The following CD300LF variants were observed in gnomAD, a reference collection of about 807,000 sequenced individuals.
The protein encoded by CD300LF is CMRF35-like molecule 1.
A neutral mutation model predicts 32.2 loss-of-function variants in CD300LF; 27 were observed. The observed-to-expected ratio is 0.84, with a 90% CI of 0.62 to 1.15. CD300LF has a LOEUF of 1.15. CD300LF is among the 50% of genes most tolerant of loss of function. The pLI is 0.00. For synonymous variants in CD300LF, 139 were observed against 143.2 expected, an observed-to-expected ratio of 0.97 and a Z score of 0.21; for missense variants, 348 against 356.8, an observed-to-expected ratio of 0.98 and a Z score of 0.20.
At chr17:74,699,006 C>T (rs563627614) in intron 3 of CD300LF, among the ~76,000 whole-genome samples, 1 of 152,226 alleles carries the variant, frequency 6.6e-6, no homozygotes, top group East Asian at 1.9e-4. Flanking sequence ...GCAACCTCCA[C>T]CTCCCAGGTT....
chr17:74,696,731 G>A (rs890306423), intron 4 of CD300LF, among the ~76,000 whole-genome samples: 1 of 152,188 alleles, frequency 6.6e-6, no homozygotes, highest in Non-Finnish European at 1.5e-5. Flanking sequence ...CAGGTGGGCT[G>A]TAAGCTGCAG....
chr17:74,706,493 C>A (rs1017255192), intron 1 of CD300LF, among the ~76,000 whole-genome samples: 9 of 151,784 alleles, frequency 5.9e-5, no homozygotes, highest in Non-Finnish European at 1.5e-5. Context: ...CATGGAGAAA[C>A]GCCATCTCTA....
intron 6 of CD300LF, 88 bp downstream of exon 6, chr17:74,695,637 C>A: frequency 6.3e-7 from 1 of 1,579,042 alleles, no homozygotes; most frequent in South Asian, 1.1e-5. Flanking sequence ...CCCACATGAG[C>A]AGGAGAAAGC....
At position 74,695,233 on chromosome 17, in the gene CD300LF, C is replaced by T. The variant is rs2032317731; in HGVS notation, c.736G>A (p.Asp246Asn). The change falls in exon 7 of 7, where the codon GAC becomes AAC. Residue 246 changes from aspartate (D) to asparagine (N), a missense_variant. Transcript: ENST00000326165. ...YVTMASLPKE[D>N]ISYASLTLGA... is the part of the protein sequence containing the mutation. ...AAGGTCAGAGATGCATAGGAAATGT[C>T]CTCCTTCGGCAAGGAAGCCTGCAGC... 6.2e-7 allele frequency: 1 copy of T among 1,614,056 alleles called. No homozygotes were observed. Among genetic ancestry groups the T allele is most frequent in the Non-Finnish European group, 8.5e-7 (1 of 1,179,982 alleles).
At chr17:74,701,914 CAG>C (rs1170090970) in intron 3 of CD300LF, among the ~76,000 whole-genome samples, 1 of 150,560 alleles carries the variant, frequency 6.6e-6, no homozygotes, top group African/African-American at 2.4e-5. Flanking sequence ...CCCAGCTACT[CAG>C]GAGACTGAGG....
In CD300LF at chr17:74,704,790, C is replaced by G; in HGVS notation, c.70G>C (p.Gly24Arg). Residue 24 changes from glycine (G) to arginine (R), a missense_variant, in exon 2 of 7, where the codon GGT (glycine) becomes CGT (arginine). Transcript: ENST00000326165. ...TCCAAGCCATTCACTGTTGTTGGAC[C>G]GGTGATTTGAGTGACAATGGAGTAG... ...SGYSIVTQIT[G>R]PTTVNGLERG... 1 of 1,613,394 alleles carries G rather than the reference C, an allele frequency of 6.2e-7. No individual in the cohort carries two copies. The highest frequency in any genetic ancestry group is 8.5e-7 in the Non-Finnish European group (1 of 1,179,476).
chr17:74,704,429 G>T, intron 2 of CD300LF, 49 bp downstream of exon 2: 1 of 1,328,540 alleles, frequency 7.5e-7, no homozygotes, highest in Non-Finnish European at 1.1e-6. Flanking sequence ...TCAGAGACCA[G>T]GACAGAGCAG....
intron 2 of CD300LF, among the ~76,000 whole-genome samples, chr17:74,703,837 A>T (rs897152062): frequency 6.6e-6 from 1 of 152,226 alleles, no homozygotes; most frequent in African/African-American, 2.4e-5. Flanking sequence ...AAACCGAGGC[A>T]CTGGGACCCC....
At chr17:74,697,352 A>G (rs866082427) in intron 4 of CD300LF, among the ~76,000 whole-genome samples, 2 of 152,144 alleles carry the variant, frequency 1.3e-5, no homozygotes, top group African/African-American at 2.4e-5. Flanking sequence ...CCTAGGGACA[A>G]CAAAGAAATG....
At chr17:74,698,686 G>A (rs1001092834) in intron 3 of CD300LF, 1 of 1,299,844 alleles carries the variant, frequency 7.7e-7, no homozygotes, top group Non-Finnish European at 1.0e-6. Flanking sequence ...AATGGAACAA[G>A]AGACACCAGG....
In CD300LF at chr17:74,695,058, T is replaced by C. The variant is rs1191711305; in HGVS notation, c.*38A>G. 6 of 1,595,418 alleles carry C rather than the reference T, an allele frequency of 3.8e-6. No homozygotes were observed. In the African/African-American group the frequency reaches 4.0e-5, roughly 11 times the overall value. On this transcript the variant is annotated 3_prime_UTR_variant, in exon 7 of 7. Coordinates refer to ENST00000326165, the MANE Select transcript of CD300LF (RefSeq NM_139018.5). The stretch of plus-strand genomic sequence containing the variant: ...GACGGTCGATGAGGCAGGAGTGTGC[T>C]CACAGCCTGGGGTCCAAGAAGGAGC...
In CD300LF at chr17:74,711,067, C is replaced by G. The variant is rs2033925442; in HGVS notation, c.43+1757G>C. On this transcript the variant is annotated intron_variant, in intron 1 of 6. Transcript: ENST00000326165. ...AAAAATAAAAAACCTTCCTTTCTCACAGAAAACAAACTTCCGGATGGGTAT... is the reference window on the plus strand; with the variant it reads ...AAAAATAAAAAACCTTCCTTTCTCAGAGAAAACAAACTTCCGGATGGGTAT... 2.0e-5 allele frequency among the ~76,000 whole-genome samples: 3 copies of G among 152,104 alleles called. 1 individual carries two copies. The South Asian group carries it at 6.2e-4, about 32-fold the overall frequency.
intron 1 of CD300LF, among the ~76,000 whole-genome samples, chr17:74,709,133 A>G (rs1182927523): frequency 1.3e-5 from 2 of 151,262 alleles, no homozygotes; most frequent in Non-Finnish European, 2.9e-5. Context: ...CTGAGGCAGG[A>G]GAATCGCTTA....
intron 4 of CD300LF, among the ~76,000 whole-genome samples, chr17:74,696,943 G>T (rs181002657): frequency 6.6e-6 from 1 of 151,372 alleles, no homozygotes; most frequent in Non-Finnish European, 1.5e-5. Flanking sequence ...GGTTTGGTTT[G>T]GTTTGGTTTG....
chr17:74,698,554 G>A, intron 3 of CD300LF, 73 bp from the exon 4 acceptor site: 1 of 1,506,178 alleles, frequency 6.6e-7, no homozygotes, highest in Admixed American at 2.0e-5. Flanking sequence ...CACCCACCCA[G>A]CAGCAGGGGA....
chr17:74,711,660 C>A (rs1287327736), intron 1 of CD300LF, among the ~76,000 whole-genome samples: 1 of 152,158 alleles, frequency 6.6e-6, no homozygotes, highest in African/African-American at 2.4e-5. Context: ...CTCGTATCTA[C>A]TGTTCCCTGT....
chr17:74,706,280 A>ATAT lies in CD300LF; in HGVS notation c.44-1465_44-1464insATA, dbSNP rs200263662. Among the ~76,000 whole-genome samples, 246 of 148,782 alleles carry ATAT rather than the reference A, an allele frequency of 1.7e-3. 1 individual carries two copies. The highest frequency in any genetic ancestry group is 3.6e-3 in the Admixed American group (53 of 14,878). ...ATAAAAAACATTTTAAAGGAAAAAA[A>ATAT]AAATATATATATATATATATCCCAA... is the stretch of plus-strand genomic sequence containing the variant. On this transcript the variant is annotated intron_variant, in intron 1 of 6. Transcript: ENST00000326165.
chr17:74,704,940 A>C (rs1598258288), intron 1 of CD300LF, 124 bp from the exon 2 acceptor site: 1 of 767,742 alleles, frequency 1.3e-6, no homozygotes. Context: ...GAAGAAATAC[A>C]CCTTCCGCAG....
intron 1 of CD300LF, among the ~76,000 whole-genome samples, chr17:74,708,701 G>T (rs2033711718): frequency 6.6e-6 from 1 of 152,210 alleles, no homozygotes; most frequent in Non-Finnish European, 1.5e-5. Flanking sequence ...CGGATCAGGA[G>T]GTGAGGAGAT....
Sources: allele counts gnomAD v4.1 joint callset (sites outside exome capture counted in the v4.1 genomes callset), GRCh38; gene constraint gnomAD v4.1.1; transcripts MANE v1.5; gene names NCBI Gene and HGNC (gene_info 2026-07-23, HGNC 2026-07-21).